The following PCDH15 variants were observed in gnomAD, a reference collection of about 807,000 sequenced individuals.
PCDH15 encodes the protein protocadherin related 15, also known as protocadherin-15.
Under a neutral mutation model 178.5 loss-of-function variants are expected in PCDH15, and 129 were observed. That is an observed-to-expected ratio of 0.72 (90% CI 0.63 to 0.84). The LOEUF is 0.84. PCDH15 is among the 40% of genes least tolerant of loss of function. PCDH15 has a pLI of 0.00. For missense variants in PCDH15, 2,230 were observed against 2,099.9 expected, an observed-to-expected ratio of 1.06 and a Z score of -1.21; for synonymous variants, 800 against 732.0, an observed-to-expected ratio of 1.09 and a Z score of -1.50.
intron 1 of PCDH15, among the ~76,000 whole-genome samples, chr10:55,307,718 A>C (rs970035949): frequency 1.3e-5 from 2 of 151,706 alleles, no homozygotes; most frequent in Admixed American, 6.6e-5. Flanking sequence ...TCTTGATCCA[A>C]CTTGCCCCCC....
intron 3 of PCDH15, among the ~76,000 whole-genome samples, chr10:54,849,016 CTTAAT>C (rs1953562809): frequency 6.6e-6 from 1 of 151,750 alleles, no homozygotes; most frequent in South Asian, 2.1e-4. Context: ...CCCTGCATAT[CTTAAT>C]TTGTTATCTA....
chr10:55,039,880 T>C (rs1840823057), intron 2 of PCDH15, among the ~76,000 whole-genome samples: 1 of 151,998 alleles, frequency 6.6e-6, no homozygotes, highest in Admixed American at 6.6e-5. Context: ...ACTCTGTTCA[T>C]AACCCAATAA....
chr10:55,003,157 G>A (rs1014348786), intron 2 of PCDH15, among the ~76,000 whole-genome samples: 2 of 152,030 alleles, frequency 1.3e-5, no homozygotes, highest in African/African-American at 2.4e-5. Flanking sequence ...AAATGTGTCT[G>A]TCCTAAGACT....
intron 26 of PCDH15, among the ~76,000 whole-genome samples, chr10:53,879,583 TA>T (rs1272687457): frequency 1.3e-5 from 2 of 152,222 alleles, no homozygotes; most frequent in Non-Finnish European, 2.9e-5. Context: ...CATTCATAAA[TA>T]ATTTAAGTAT....
chr10:53,846,023 TACACAC>T (rs71461206), intron 28 of PCDH15, among the ~76,000 whole-genome samples: 6 of 147,042 alleles, frequency 4.1e-5, no homozygotes, highest in South Asian at 2.2e-4. Flanking sequence ...TGTATGTGTA[TACACAC>T]ACACACACAC....
At chr10:55,046,257 T>TA (rs1439608894) in intron 2 of PCDH15, among the ~76,000 whole-genome samples, 1 of 151,918 alleles carries the variant, frequency 6.6e-6, no homozygotes, top group Admixed American at 6.6e-5. Context: ...AAATTGTATC[T>TA]AGCAGCCCAA....
intron 15 of PCDH15, among the ~76,000 whole-genome samples, chr10:54,112,398 C>T (rs1332720184): frequency 3.3e-5 from 5 of 151,904 alleles, no homozygotes; most frequent in African/African-American, 4.8e-5. Flanking sequence ...CCAGTTGTCT[C>T]CAGGTGGGGG....
chr10:55,025,253 G>C (rs547894036), intron 2 of PCDH15, among the ~76,000 whole-genome samples: 121 of 152,248 alleles, frequency 7.9e-4, no homozygotes, highest in Admixed American at 1.3e-3. Context: ...GAAATGAAGA[G>C]ACAGAGAAAC....
intron 2 of PCDH15, among the ~76,000 whole-genome samples, chr10:55,600,376 A>G (rs575269356): frequency 6.6e-6 from 1 of 151,456 alleles, no homozygotes; most frequent in East Asian, 2.0e-4. Context: ...AAAAAAAAAA[A>G]ATTGGTTGGG....
At chr10:54,666,548 A>C (rs1171726832) in intron 1 of PCDH15, among the ~76,000 whole-genome samples, 1 of 152,088 alleles carries the variant, frequency 6.6e-6, no homozygotes, top group East Asian at 1.9e-4. Context: ...AGCTCTACTA[A>C]GATTTCTATA....
chr10:54,242,177 TATATATATATAC>T lies in PCDH15; in HGVS notation c.877-5258_877-5247del, dbSNP rs1564769933. Among the ~76,000 whole-genome samples the T allele has an allele frequency of 2.6e-3, 230 of 87,918 alleles. 14 individuals are homozygous for T. Among genetic ancestry groups the T allele is most frequent in the African/African-American group, 9.6e-3 (185 of 19,282 alleles). 57.7% of individuals were successfully genotyped at this position (87,918 alleles called of 152,430 possible). A position where few individuals can be genotyped will look rare whatever the true frequency, so the allele number is the denominator to read the frequency against. On this transcript the variant is annotated intron_variant, in intron 8 of 37. Transcript: ENST00000644397. The stretch of plus-strand genomic sequence containing the variant: ...ATATATATATATATATATATATATA[TATATATATATAC>T]ACACACACACATACATACATACACA...
At chr10:54,911,030 A>T (rs886880775) in intron 2 of PCDH15, among the ~76,000 whole-genome samples, 1 of 152,346 alleles carries the variant, frequency 6.6e-6, no homozygotes, top group South Asian at 2.1e-4. Context: ...AAGATGGTTG[A>T]CAAGAATGGA....
At chr10:55,031,843 A>G (rs1840619112) in intron 2 of PCDH15, among the ~76,000 whole-genome samples, 1 of 152,170 alleles carries the variant, frequency 6.6e-6, no homozygotes, top group Non-Finnish European at 1.5e-5. Flanking sequence ...TCCAACCCCC[A>G]GAGCTATGAG....
chr10:55,541,004 A>C (rs1471559344), intron 2 of PCDH15, among the ~76,000 whole-genome samples: 1 of 152,080 alleles, frequency 6.6e-6, no homozygotes, highest in African/African-American at 2.4e-5. Flanking sequence ...AAGGGAATTT[A>C]CCCTATATAT....
chr10:54,540,723 C>A (rs558874297), intron 2 of PCDH15, among the ~76,000 whole-genome samples: 1 of 152,192 alleles, frequency 6.6e-6, no homozygotes, highest in Admixed American at 6.5e-5. Context: ...AACTATAGGT[C>A]AATATTCCTG....
intron 2 of PCDH15, among the ~76,000 whole-genome samples, chr10:54,531,452 AT>A (rs2083917089): frequency 1.3e-5 from 2 of 152,126 alleles, no homozygotes; most frequent in Non-Finnish European, 2.9e-5. Flanking sequence ...ATAATGACTG[AT>A]CTCACAGATA....
chr10:54,712,418 T>C (rs759232179), intron 1 of PCDH15, among the ~76,000 whole-genome samples: 1 of 151,820 alleles, frequency 6.6e-6, no homozygotes, highest in African/African-American at 2.4e-5. Flanking sequence ...TATGAAGAAA[T>C]ACTACACTGA....
chr10:54,087,958 A>G (rs1268449491), intron 16 of PCDH15, among the ~76,000 whole-genome samples: 1 of 152,084 alleles, frequency 6.6e-6, no homozygotes, highest in Middle Eastern at 3.2e-3. Context: ...GGCCATGTGA[A>G]GCGCTGACTC....
intron 11 of PCDH15, among the ~76,000 whole-genome samples, chr10:54,190,928 C>T (rs572852586): frequency 1.2e-3 from 185 of 152,178 alleles, no homozygotes; most frequent in African/African-American, 4.2e-3. Context: ...TGTGTGCTGG[C>T]AAATGGAAGA....
Sources: allele counts gnomAD v4.1 joint callset (sites outside exome capture counted in the v4.1 genomes callset), GRCh38; gene constraint gnomAD v4.1.1; transcripts MANE v1.5; gene names NCBI Gene and HGNC (gene_info 2026-07-23, HGNC 2026-07-21).